Variants in PSMG2 observed in about 807,000 individuals in gnomAD.
PSMG2 encodes CD40 ligand-activated specific transcript 3.
A neutral mutation model predicts 31.5 loss-of-function variants in PSMG2; 21 were observed. The ratio of observed to expected loss-of-function variants is 0.67; its 90% CI spans 0.47 to 0.96. PSMG2 has a LOEUF of 0.96. Among genes scored for constraint, PSMG2 ranks in the 40% least tolerant of loss-of-function variants. PSMG2 has a pLI of 0.00. For missense variants in PSMG2, 318 were observed against 321.2 expected, an observed-to-expected ratio of 0.99 and a Z score of 0.08; for synonymous variants, 120 against 110.4, an observed-to-expected ratio of 1.09 and a Z score of -0.54.
rs763296049 is a variant in PSMG2 at position 12,725,534 on chromosome 18, TA to T, written c.*5del. ...GTCTTCCCCCTGCACTTTTCTGATCTAATTTCTGTTTTATACCTTATACCCA... is the reference window on the plus strand; with the variant it reads ...GTCTTCCCCCTGCACTTTTCTGATCTATTTCTGTTTTATACCTTATACCCA... On this transcript the variant is annotated 3_prime_UTR_variant, in exon 7 of 7. Transcript: ENST00000317615. The T allele has an allele frequency of 5.7e-5, 89 of 1,571,872 alleles. No individual in the cohort carries two copies. Among genetic ancestry groups the T allele is most frequent in the Non-Finnish European group, 6.4e-5 (73 of 1,143,040 alleles).
chr18:12,718,654 A>G lies in PSMG2; in HGVS notation c.407+19A>G, dbSNP rs947283399. 7 of 1,551,608 alleles carry G rather than the reference A, an allele frequency of 4.5e-6. No individual in the cohort carries two copies. Among genetic ancestry groups the G allele is most frequent in the Non-Finnish European group, 6.2e-6 (7 of 1,137,390 alleles). On this transcript the variant is annotated intron_variant, in intron 4 of 6. Transcript: ENST00000317615. ...TTCGTAGGTATGTTTCTGCCTCTGG[A>G]AAGTTATTTTTGGTATGGTTTATAC... is the stretch of plus-strand genomic sequence containing the variant.
chr18:12,706,750 C>T (rs765756647), intron 2 of PSMG2, 29 bp downstream of exon 2: 1 of 1,562,518 alleles, frequency 6.4e-7, no homozygotes, highest in African/African-American at 1.4e-5. Context: ...TGTATTTTTC[C>T]ACTACAAAGT....
Position 12,725,668 on chromosome 18 carries a change from GTC to G in PSMG2, c.*141_*142del, listed in dbSNP as rs1405696251. The stretch of plus-strand genomic sequence containing the variant: ...AAATATCAAAGAAAAAAGATTAAGG[GTC>G]TCTTTGCCATGCTTTTCATCATATG... On this transcript the variant is annotated 3_prime_UTR_variant, in exon 7 of 7. Transcript: ENST00000317615. 2 of 517,260 alleles carry G rather than the reference GTC, an allele frequency of 3.9e-6. No homozygotes were observed. The highest frequency in any genetic ancestry group is 6.5e-6 in the Non-Finnish European group (2 of 308,828). 32.0% of individuals were successfully genotyped at this position (517,260 alleles called of 1,614,324 possible). A position where few individuals can be genotyped will look rare whatever the true frequency, so the allele number is the denominator to read the frequency against.
At chr18:12,673,616 A>C (rs2039009129) in intron 1 of PSMG2, 8 of 771,536 alleles carry the variant, frequency 1.0e-5, no homozygotes, top group South Asian at 1.9e-5. Context: ...GTGGTGGCTC[A>C]TGCCTGTAAT....
At chr18:12,702,334 A>T (rs560888892), upstream of PSMG2, 6 of 606,944 alleles carry the variant, frequency 9.9e-6, no homozygotes, top group Admixed American at 2.1e-4. Flanking sequence ...CTCCTGCCTC[A>T]AACTCAAAGC....
Position 12,703,105 on chromosome 18 carries a change from A to G in PSMG2, c.-3A>G, listed in dbSNP as rs767829029. 6.2e-7 allele frequency: 1 copy of G among 1,612,290 alleles called. No individual in the cohort carries two copies. The highest frequency in any genetic ancestry group is 2.2e-5 in the East Asian group (1 of 44,800). ...AGTCCCTGCTGGCCACCCCACTGCG[A>G]CCATGTTCGTTCCCTGCGGGGAGTC... On this transcript the variant is annotated 5_prime_UTR_variant, in exon 1 of 7. Transcript: ENST00000317615.
intron 1 of PSMG2, chr18:12,662,203 A>C (rs762083668): frequency 2.0e-4 from 87 of 445,870 alleles, no homozygotes; most frequent in Admixed American, 1.6e-3. Context: ...AAAAAAAAAA[A>C]CAGCATATTT....
At chr18:12,708,358 G>C (rs1052807191) in intron 2 of PSMG2, among the ~76,000 whole-genome samples, 8 of 151,750 alleles carry the variant, frequency 5.3e-5, no homozygotes, top group Non-Finnish European at 1.2e-4. Flanking sequence ...TGAGCTAAAT[G>C]CCATGTACTT....
chr18:12,674,056 A>C (rs915198443), intron 1 of PSMG2, among the ~76,000 whole-genome samples: 1 of 152,138 alleles, frequency 6.6e-6, no homozygotes, highest in African/African-American at 2.4e-5. Context: ...CTAGGGCTAC[A>C]TTTCAGACCA....
At chr18:12,675,510 A>C (rs1364418045) in intron 1 of PSMG2, among the ~76,000 whole-genome samples, 10 of 152,332 alleles carry the variant, frequency 6.6e-5, no homozygotes, top group Admixed American at 2.6e-4. Flanking sequence ...AAAGTCAACA[A>C]ATTAATTCTA....
intron 1 of PSMG2, among the ~76,000 whole-genome samples, chr18:12,659,244 T>C (rs1363170385): frequency 1.4e-5 from 2 of 147,488 alleles, no homozygotes; most frequent in East Asian, 2.0e-4. Flanking sequence ...CTCTCAACAA[T>C]TGCATCTTGC....
chr18:12,713,038 A>G (rs551276170), intron 3 of PSMG2, among the ~76,000 whole-genome samples: 2 of 152,124 alleles, frequency 1.3e-5, no homozygotes, highest in Non-Finnish European at 2.9e-5. Flanking sequence ...GGTTTATTCC[A>G]TTTGTATTAC....
intron 1 of PSMG2, among the ~76,000 whole-genome samples, chr18:12,672,279 C>G (rs1018121372): frequency 1.3e-5 from 2 of 151,806 alleles, no homozygotes; most frequent in Non-Finnish European, 2.9e-5. Context: ...CGCACCCGGC[C>G]TAATTTTCGT....
rs761904667 is a variant in PSMG2 at position 12,678,137 on chromosome 18, A to C, written c.-37+19364A>C. On this transcript the variant is annotated intron_variant, in intron 1 of 6. Coordinates refer to the PSMG2 transcript ENST00000585331. Reference sequence around the variant, plus strand: ...CCTGTGTTCTGACACCAGGAGCCTCAGCTGCATTTCAATTTCATTACTTGT... The same window carrying C: ...CCTGTGTTCTGACACCAGGAGCCTCCGCTGCATTTCAATTTCATTACTTGT... 36 of 1,613,382 alleles carry C rather than the reference A, an allele frequency of 2.2e-5. No individual in the cohort carries two copies. Among genetic ancestry groups the C allele is most frequent in the Non-Finnish European group, 3.0e-5 (35 of 1,179,290 alleles).
At chr18:12,687,844 T>G (rs1180263851) in intron 1 of PSMG2, among the ~76,000 whole-genome samples, 1 of 152,162 alleles carries the variant, frequency 6.6e-6, no homozygotes, top group African/African-American at 2.4e-5. Context: ...AACTTAGCAT[T>G]ACTAATAATC....
intron 2 of PSMG2, among the ~76,000 whole-genome samples, chr18:12,709,913 G>A (rs1224674122): frequency 6.6e-6 from 1 of 151,910 alleles, no homozygotes; most frequent in Non-Finnish European, 1.5e-5. Flanking sequence ...CGGAATTACA[G>A]GTATGAGCCA....
intron 2 of PSMG2, among the ~76,000 whole-genome samples, chr18:12,709,726 C>T (rs1212608115): frequency 6.6e-6 from 1 of 151,854 alleles, no homozygotes; most frequent in Non-Finnish European, 1.5e-5. Context: ...TGTTGAACTC[C>T]TGACCTCAGG....
intron 4 of PSMG2, among the ~76,000 whole-genome samples, chr18:12,720,298 T>G (rs774691453): frequency 2.4e-4 from 36 of 152,246 alleles, no homozygotes; most frequent in Non-Finnish European, 1.0e-4. Flanking sequence ...TGGGAAATTT[T>G]TGCAATGGGC....
chr18:12,699,287 C>A (rs45541436), upstream of PSMG2: 107,243 of 960,768 alleles, frequency 0.11, 7,023 homozygotes, highest in Non-Finnish European at 0.13. Context: ...AAAAACTTGA[C>A]AGATAAAAAC....
Sources: allele counts gnomAD v4.1 joint callset (sites outside exome capture counted in the v4.1 genomes callset), GRCh38; gene constraint gnomAD v4.1.1; transcripts MANE v1.5; gene names NCBI Gene and HGNC (gene_info 2026-07-23, HGNC 2026-07-21).